Variants in CAST observed in about 807,000 individuals in gnomAD.
The protein encoded by CAST is calpastatin.
CAST carries 76 observed loss-of-function variants against 119.6 expected under a neutral mutation model. That is an observed-to-expected ratio of 0.64 (90% confidence interval 0.53 to 0.77). CAST has a LOEUF of 0.77. CAST is among the 30% of genes least tolerant of loss of function. The pLI is 0.00. For missense variants in CAST, 953 were observed against 946.5 expected, an observed-to-expected ratio of 1.01 and a Z score of -0.09; for synonymous variants, 319 against 331.6, an observed-to-expected ratio of 0.96 and a Z score of 0.41.
At chr5:96,678,232 G>A (rs533400370) in intron 2 of CAST, among the ~76,000 whole-genome samples, 1 of 152,258 alleles carries the variant, frequency 6.6e-6, no homozygotes, top group Non-Finnish European at 1.5e-5. Context: ...CAAAACGTGA[G>A]ACTAAGAAGC....
At chr5:96,103,498 A>G in the CAST span, among the ~76,000 whole-genome samples, 8 of 150,608 alleles carry the variant, frequency 5.3e-5, no homozygotes, top group African/African-American at 1.5e-4. Flanking sequence ...ATGATTTCCA[A>G]TTTCATCCAT....
chr5:96,599,979 A>AAAAAAAAAAAAAC (rs1350586090), intron 1 of CAST, among the ~76,000 whole-genome samples: 1 of 151,626 alleles, frequency 6.6e-6, no homozygotes, highest in African/African-American at 2.4e-5. Context: ...AAAAAAAAAA[A>AAAAAAAAAAAAAC]AAAACCCTCA....
chr5:96,452,640 T>TAAAAA, the CAST span, among the ~76,000 whole-genome samples: 979 of 90,040 alleles, frequency 0.011, 119 homozygotes, highest in African/African-American at 0.02. Context: ...TAAAGTATAA[T>TAAAAA]AAAAAAAAAA....
chr5:96,202,486 G>A, the CAST span, among the ~76,000 whole-genome samples: 18 of 151,990 alleles, frequency 1.2e-4, no homozygotes, highest in African/African-American at 4.3e-4. Context: ...AATAGATTAT[G>A]CTTATTTTTA....
At chr5:96,115,893 A>G in the CAST span, among the ~76,000 whole-genome samples, 1 of 151,900 alleles carries the variant, frequency 6.6e-6, no homozygotes, top group Non-Finnish European at 1.5e-5. Flanking sequence ...ACAGGAGGAA[A>G]TGAAGACTTC....
chr5:96,282,029 G>T, the CAST span, among the ~76,000 whole-genome samples: 1 of 152,150 alleles, frequency 6.6e-6, no homozygotes, highest in Non-Finnish European at 1.5e-5. Context: ...TATGTCCATT[G>T]TTGAACGATC....
chr5:96,542,479 T>A (rs1396297623), intron 1 of CAST, among the ~76,000 whole-genome samples: 1 of 152,132 alleles, frequency 6.6e-6, no homozygotes. Flanking sequence ...GCTATTCTAA[T>A]GGGTGTGTAG....
intron 1 of CAST, among the ~76,000 whole-genome samples, chr5:96,531,581 CT>C (rs1308359299): frequency 6.6e-6 from 1 of 152,150 alleles, no homozygotes; most frequent in Non-Finnish European, 1.5e-5. Context: ...TTTCAATTAA[CT>C]TTTTAGTGTC....
the CAST span, among the ~76,000 whole-genome samples, chr5:96,349,139 A>AT: frequency 0.25 from 22,713 of 89,458 alleles, 4,883 homozygotes; most frequent in Middle Eastern, 0.33. Flanking sequence ...CAAGGACACT[A>AT]TTTTTTTTTT....
the CAST span, among the ~76,000 whole-genome samples, chr5:96,277,193 T>C: frequency 5.3e-5 from 8 of 152,214 alleles, no homozygotes; most frequent in African/African-American, 1.7e-4. Context: ...TTTCTAGGCC[T>C]GAAGGACATG....
the CAST span, among the ~76,000 whole-genome samples, chr5:96,161,436 C>A: frequency 6.6e-6 from 1 of 152,122 alleles, no homozygotes; most frequent in African/African-American, 2.4e-5. Flanking sequence ...TGAAAACTAA[C>A]CAACCATAAA....
the CAST span, among the ~76,000 whole-genome samples, chr5:96,399,530 A>G: frequency 6.6e-6 from 1 of 152,360 alleles, no homozygotes; most frequent in Non-Finnish European, 1.5e-5. Context: ...CATGAATCAC[A>G]CAGCACTGTG....
chr5:96,136,703 T>TAATTTTA, the CAST span, among the ~76,000 whole-genome samples: 1 of 152,210 alleles, frequency 6.6e-6, no homozygotes, highest in East Asian at 1.9e-4. Flanking sequence ...TATTACTACC[T>TAATTTTA]GTGTAATTCT....
chr5:96,680,080 G>A (rs1751172360), intron 2 of CAST, among the ~76,000 whole-genome samples: 2 of 152,026 alleles, frequency 1.3e-5, no homozygotes, highest in South Asian at 4.2e-4. Context: ...GCCAGGCGTG[G>A]TGGCTCATGC....
chr5:96,739,263 A>G (rs1457928646), intron 11 of CAST, among the ~76,000 whole-genome samples: 2 of 152,298 alleles, frequency 1.3e-5, no homozygotes, highest in African/African-American at 4.8e-5. Flanking sequence ...CCACCTGTAG[A>G]GAGATTGCCA....
intron 1 of CAST, among the ~76,000 whole-genome samples, chr5:96,634,657 T>C (rs1476760108): frequency 6.6e-6 from 1 of 152,238 alleles, no homozygotes; most frequent in Non-Finnish European, 1.5e-5. Flanking sequence ...TAGTGTTGCC[T>C]CTGCAATGAG....
the CAST span, among the ~76,000 whole-genome samples, chr5:96,354,245 C>G: frequency 2.6e-5 from 4 of 152,140 alleles, no homozygotes; most frequent in African/African-American, 9.7e-5. Context: ...ACAAAACAGC[C>G]AACAGGATTT....
At chr5:96,171,381 G>A in the CAST span, among the ~76,000 whole-genome samples, 238 of 152,220 alleles carry the variant, frequency 1.6e-3, no homozygotes, top group Non-Finnish European at 2.3e-3. Context: ...AGGGTGGAAG[G>A]TTGCCCATAG....
chr5:96,431,726 A>G, the CAST span, among the ~76,000 whole-genome samples: 4 of 152,168 alleles, frequency 2.6e-5, no homozygotes, highest in Non-Finnish European at 5.9e-5. Flanking sequence ...AATTCCCCAG[A>G]GGGTTCGGTC....
Sources: gnomAD v4.1 joint callset for allele counts (sites outside exome capture counted in the v4.1 genomes callset) on GRCh38, gnomAD v4.1.1 for gene constraint, MANE v1.5 for transcripts, NCBI Gene and HGNC (gene_info 2026-07-23, HGNC 2026-07-21) for gene names.